Variants in RNF220 observed in about 807,000 individuals in gnomAD.
RNF220 encodes E3 ubiquitin-protein ligase RNF220.
RNF220 carries 7 observed loss-of-function variants against 67.1 expected under a neutral mutation model. The ratio of observed to expected loss-of-function variants is 0.10; its 90% CI spans 0.06 to 0.20. RNF220 has a LOEUF of 0.20. Ranked by LOEUF, RNF220 falls within the 10% of genes least tolerant of loss-of-function variation. RNF220 has a pLI of 1.00. For missense variants in RNF220, 565 were observed against 740.3 expected, an observed-to-expected ratio of 0.76 and a Z score of 2.75; for synonymous variants, 270 against 283.2, an observed-to-expected ratio of 0.95 and a Z score of 0.47.
At chr1:44,598,605 C>T (rs1666705132) in intron 2 of RNF220, among the ~76,000 whole-genome samples, 1 of 152,088 alleles carries the variant, frequency 6.6e-6, no homozygotes, top group African/African-American at 2.4e-5. Flanking sequence ...AGAGGCCTGC[C>T]GAGGGCTCTG....
At chr1:44,554,200 A>T (rs6692077) in intron 2 of RNF220, among the ~76,000 whole-genome samples, 3,585 of 152,092 alleles carry the variant, frequency 0.024, 134 homozygotes, top group African/African-American at 0.082. Flanking sequence ...TGGAGGAAGG[A>T]TGGAGATGAG....
chr1:44,613,474 G>T (rs937438131), intron 2 of RNF220, among the ~76,000 whole-genome samples: 3 of 152,264 alleles, frequency 2.0e-5, no homozygotes, highest in African/African-American at 7.2e-5. Context: ...ATCCCAGCCG[G>T]CCAGGTGCGG....
At chr1:44,504,846 T>C (rs1658268247) in intron 2 of RNF220, among the ~76,000 whole-genome samples, 1 of 152,204 alleles carries the variant, frequency 6.6e-6, no homozygotes. Context: ...CTCTGGCCTC[T>C]CTTCCCTCTC....
intron 8 of RNF220, among the ~76,000 whole-genome samples, chr1:44,640,824 G>A (rs538051338): frequency 2.0e-5 from 3 of 152,184 alleles, no homozygotes; most frequent in South Asian, 2.1e-4. Context: ...AAAACTCGCC[G>A]GAAGCTGCTG....
At chr1:44,406,353 C>T (rs1647330149) in intron 1 of RNF220, among the ~76,000 whole-genome samples, 1 of 152,220 alleles carries the variant, frequency 6.6e-6, no homozygotes, top group Admixed American at 6.5e-5. Context: ...GCTGGACCGG[C>T]CTGGCCGTAG....
intron 2 of RNF220, among the ~76,000 whole-genome samples, chr1:44,415,455 G>A (rs1648425128): frequency 6.6e-6 from 1 of 151,842 alleles, no homozygotes; most frequent in Admixed American, 6.6e-5. Context: ...AGAGTGATAG[G>A]ATACAGTGCT....
rs188064159 is a variant in RNF220, at chr1:44,565,132, T to C, written c.626-49033T>C. On this transcript the variant is annotated intron_variant, in intron 2 of 14. Coordinates refer to ENST00000361799, the MANE Select transcript of RNF220 (RefSeq NM_018150.4). The surrounding 1 kb of genome is among the most constrained non-coding windows in gnomAD (Gnocchi z 4.2). ...GGTCAGCACTCCGTGAATAAATGAA[T>C]GAGTGAGTGAACAAACTGATCAACC... is the stretch of plus-strand genomic sequence containing the variant. 5.3e-4 allele frequency among the ~76,000 whole-genome samples: 80 copies of C among 152,336 alleles called. 1 individual carries two copies. The East Asian group carries it at 8.5e-3, about 16-fold the overall frequency.
intron 2 of RNF220, among the ~76,000 whole-genome samples, chr1:44,557,586 C>T (rs1408893673): frequency 7.0e-6 from 1 of 143,352 alleles, no homozygotes; most frequent in Non-Finnish European, 1.5e-5. Flanking sequence ...CATTCATTCA[C>T]TGAACAAACT....
At chr1:44,603,378 G>A (rs72671921) in intron 2 of RNF220, among the ~76,000 whole-genome samples, 2,221 of 152,250 alleles carry the variant, frequency 0.015, 17 homozygotes, top group Non-Finnish European at 0.022. Context: ...CCTTGGCCCC[G>A]GGCTACGGTG....
intron 2 of RNF220, among the ~76,000 whole-genome samples, chr1:44,481,553 CG>C (rs1655812641): frequency 6.6e-6 from 1 of 151,992 alleles, no homozygotes; most frequent in Admixed American, 6.6e-5. Flanking sequence ...GGAGGTTGAG[CG>C]GGGGGTACTT....
At chr1:44,543,399 T>G (rs1661840238) in intron 2 of RNF220, among the ~76,000 whole-genome samples, 1 of 152,168 alleles carries the variant, frequency 6.6e-6, no homozygotes, top group East Asian at 1.9e-4. Flanking sequence ...TGGGGCCTTC[T>G]ATTGTCCAAG....
At chr1:44,555,561 G>A (rs1484549599) in intron 2 of RNF220, among the ~76,000 whole-genome samples, 1 of 151,820 alleles carries the variant, frequency 6.6e-6, no homozygotes, top group Admixed American at 6.6e-5. Flanking sequence ...TGCAAGCTCC[G>A]CCTCCCGGGT....
chr1:44,506,558 A>G (rs912031822), intron 2 of RNF220, among the ~76,000 whole-genome samples: 19 of 152,212 alleles, frequency 1.2e-4, no homozygotes, highest in East Asian at 1.9e-4. Context: ...GGGGTCATCT[A>G]TCAGCCTCCA....
intron 2 of RNF220, among the ~76,000 whole-genome samples, chr1:44,474,534 C>A (rs952943843): frequency 6.6e-6 from 1 of 151,546 alleles, no homozygotes; most frequent in Non-Finnish European, 1.5e-5. Context: ...CACAGCAAGA[C>A]CCTGTCTCTT....
chr1:44,451,400 TATTG>T (rs1441053872), intron 2 of RNF220, among the ~76,000 whole-genome samples: 2 of 152,190 alleles, frequency 1.3e-5, no homozygotes, highest in Non-Finnish European at 2.9e-5. Context: ...TTCATATATT[TATTG>T]ATTATTTCTA....
chr1:44,434,748 G>C (rs1488055441), intron 2 of RNF220, among the ~76,000 whole-genome samples: 2 of 151,452 alleles, frequency 1.3e-5, no homozygotes, highest in Admixed American at 6.6e-5. Flanking sequence ...TGGCTGTTGC[G>C]TGACTAACAG....
intron 2 of RNF220, among the ~76,000 whole-genome samples, chr1:44,602,747 C>G (rs1236815033): frequency 6.6e-6 from 1 of 152,152 alleles, no homozygotes; most frequent in Admixed American, 6.5e-5. Context: ...AGACCCTTCC[C>G]CTGCCCTGCC....
rs959898214 is a variant in RNF220 at position 44,488,701 on chromosome 1, A to T, written c.625+75979A>T. ...GAAACAAAAGTTTCACAAAAATAGTACTTAGCCTTTTTCTTTTTCTTTTTT... is the reference window on the plus strand; with the variant it reads ...GAAACAAAAGTTTCACAAAAATAGTTCTTAGCCTTTTTCTTTTTCTTTTTT... On this transcript the variant is annotated intron_variant, in intron 2 of 14. Coordinates refer to ENST00000361799, the MANE Select transcript of RNF220 (RefSeq NM_018150.4). 1.7e-4 allele frequency among the ~76,000 whole-genome samples: 25 copies of T among 149,244 alleles called. No homozygotes were observed. In the South Asian group the frequency reaches 4.5e-3, roughly 27 times the overall value.
intron 2 of RNF220, among the ~76,000 whole-genome samples, chr1:44,572,833 T>C (rs1664538875): frequency 6.6e-6 from 1 of 152,166 alleles, no homozygotes; most frequent in South Asian, 2.1e-4. Flanking sequence ...AGAGAAATGT[T>C]TGGCCCTATA....
Sources: allele counts gnomAD v4.1 joint callset (sites outside exome capture counted in the v4.1 genomes callset), GRCh38; gene constraint gnomAD v4.1.1; non-coding constraint Gnocchi (gnomAD v3.1); transcripts MANE v1.5; gene names NCBI Gene and HGNC (gene_info 2026-07-23, HGNC 2026-07-21).